Variants in GRHL2 observed in about 807,000 individuals in gnomAD.
GRHL2 encodes grainyhead-like protein 2 homolog.
Under a neutral mutation model 83.8 loss-of-function variants are expected in GRHL2, and 21 were observed. That is an observed-to-expected ratio of 0.25 (90% CI 0.18 to 0.36). The LOEUF (loss-of-function observed/expected upper bound fraction) is 0.36, where lower values mean the gene tolerates loss of function less well. Ranked by LOEUF, GRHL2 falls within the 10% of genes least tolerant of loss-of-function variation. The probability of loss-of-function intolerance (pLI) is 1.00; values close to 1 mark genes in which losing one functional copy is unlikely to be tolerated. For synonymous variants in GRHL2, 280 were observed against 278.9 expected, an observed-to-expected ratio of 1.00 and a Z score of -0.04; for missense variants, 623 against 781.8, an observed-to-expected ratio of 0.80 and a Z score of 2.42.
intron 7 of GRHL2, among the ~76,000 whole-genome samples, chr8:101,590,681 C>G (rs1220624888): frequency 1.3e-5 from 2 of 152,142 alleles, no homozygotes; most frequent in African/African-American, 4.8e-5. Flanking sequence ...CCACCATGTT[C>G]CTTCTCTTTA....
chr8:101,580,431 T>C (rs932877530), intron 7 of GRHL2, among the ~76,000 whole-genome samples: 1 of 152,200 alleles, frequency 6.6e-6, no homozygotes, highest in African/African-American at 2.4e-5. Context: ...TTTGTACCCA[T>C]TAACCAACCT....
At chr8:101,552,100 G>A (rs905109324) in intron 2 of GRHL2, among the ~76,000 whole-genome samples, 4 of 152,104 alleles carry the variant, frequency 2.6e-5, no homozygotes, top group Non-Finnish European at 5.9e-5. Context: ...CTCCCAAAGG[G>A]CATTAGGAGT....
intron 1 of GRHL2, among the ~76,000 whole-genome samples, chr8:101,536,514 C>G (rs1162526934): frequency 6.6e-6 from 1 of 152,206 alleles, no homozygotes; most frequent in Admixed American, 6.5e-5. Context: ...CATTGGGATA[C>G]TTCTCCATTT....
intron 4 of GRHL2, among the ~76,000 whole-genome samples, chr8:101,566,747 G>A (rs1053510851): frequency 5.3e-5 from 8 of 151,754 alleles, no homozygotes; most frequent in Admixed American, 1.3e-4. Context: ...GGAACATTAA[G>A]GTTGACTGCC....
At position 101,500,811 on chromosome 8, in the gene GRHL2, G is replaced by A. The variant is rs143399885; in HGVS notation, c.20+8022G>A. ...CAGGCATGAACCACCACGCCCGACC[G>A]AAAGTGTGTTTTATGCTGTAAGTTT... On this transcript the variant is annotated intron_variant, in intron 1 of 15. Transcript: ENST00000646743. 9.5e-3 allele frequency among the ~76,000 whole-genome samples: 1,437 copies of A among 151,576 alleles called. 10 individuals carry two copies. Among genetic ancestry groups the A allele is most frequent in the Middle Eastern group, 0.017 (5 of 294 alleles).
intron 3 of GRHL2, among the ~76,000 whole-genome samples, chr8:101,556,967 T>C (rs1563578654): frequency 6.6e-6 from 1 of 152,082 alleles, no homozygotes. Context: ...AATAGTGTAA[T>C]AAACCCCCCA....
intron 7 of GRHL2, among the ~76,000 whole-genome samples, chr8:101,586,016 C>G (rs887143519): frequency 2.6e-5 from 4 of 151,144 alleles, no homozygotes; most frequent in East Asian, 2.0e-4. Flanking sequence ...CCTGCAGACT[C>G]TCTTTCAAGC....
intron 2 of GRHL2, among the ~76,000 whole-genome samples, chr8:101,544,476 T>C (rs1183404509): frequency 6.6e-6 from 1 of 152,168 alleles, no homozygotes; most frequent in Non-Finnish European, 1.5e-5. Context: ...ACAAAAACAA[T>C]GATTTTTCTC....
At chr8:101,609,844 G>A (rs1563606237) in intron 8 of GRHL2, among the ~76,000 whole-genome samples, 1 of 151,046 alleles carries the variant, frequency 6.6e-6, no homozygotes, top group South Asian at 2.1e-4. Context: ...CATTTTCACA[G>A]TTTACCCTTC....
At chr8:101,644,101 T>A in intron 12 of GRHL2, 30 bp from the exon 13 acceptor site, 1 of 1,593,814 alleles carries the variant, frequency 6.3e-7, no homozygotes, top group South Asian at 1.1e-5. Flanking sequence ...TTGCTGGTTT[T>A]ACTTAAGGAT....
At chr8:101,518,453 G>A (rs917782750) in intron 1 of GRHL2, among the ~76,000 whole-genome samples, 1 of 152,086 alleles carries the variant, frequency 6.6e-6, no homozygotes, top group East Asian at 1.9e-4. Flanking sequence ...TATAGGGATG[G>A]GCAGCCATTT....
chr8:101,656,556 C>T (rs980944292), intron 14 of GRHL2, among the ~76,000 whole-genome samples: 1 of 152,200 alleles, frequency 6.6e-6, no homozygotes, highest in African/African-American at 2.4e-5. Flanking sequence ...CAGCTCACCA[C>T]ATCTAAAGAG....
At chr8:101,504,212 G>A (rs1033772369) in intron 1 of GRHL2, among the ~76,000 whole-genome samples, 7 of 152,106 alleles carry the variant, frequency 4.6e-5, no homozygotes, top group African/African-American at 9.7e-5. Flanking sequence ...TGCCCTTCAC[G>A]CTGGCATGCT....
chr8:101,672,666 AG>A (rs1310604002), downstream of GRHL2, among the ~76,000 whole-genome samples: 2 of 151,962 alleles, frequency 1.3e-5, no homozygotes, highest in Non-Finnish European at 2.9e-5. Flanking sequence ...CAATCTAGCA[AG>A]GCAGGCCAAC....
rs138853073 is a variant in GRHL2, at chr8:101,548,818, C to G, written c.217-3897C>G. Among the ~76,000 whole-genome samples the G allele has an allele frequency of 7.7e-3, 1,170 of 152,312 alleles. 9 individuals carry two copies. The highest frequency in any genetic ancestry group is 0.025 in the African/African-American group (1,052 of 41,568). ...ATTGTGCCTAGCACCTTAAACCGAG[C>G]ACAGCTGTCAGCACAGAGCTCACAT... is the stretch of plus-strand genomic sequence containing the variant. On this transcript the variant is annotated intron_variant, in intron 2 of 15. Transcript: ENST00000646743.
intron 7 of GRHL2, among the ~76,000 whole-genome samples, chr8:101,586,928 T>C (rs1235837650): frequency 6.6e-6 from 1 of 152,214 alleles, no homozygotes; most frequent in Non-Finnish European, 1.5e-5. Flanking sequence ...TTAAATATAT[T>C]TTATTGTACT....
At chr8:101,593,878 C>T (rs967189975) in intron 7 of GRHL2, among the ~76,000 whole-genome samples, 1 of 151,512 alleles carries the variant, frequency 6.6e-6, no homozygotes, top group Non-Finnish European at 1.5e-5. Flanking sequence ...CCAGCCTGGC[C>T]AACATGGTGA....
At chr8:101,561,806 A>G (rs945902994) in intron 4 of GRHL2, among the ~76,000 whole-genome samples, 1 of 152,242 alleles carries the variant, frequency 6.6e-6, no homozygotes, top group Non-Finnish European at 1.5e-5. Flanking sequence ...AAGTACATCT[A>G]TCAGTAAAGA....
chr8:101,607,855 A>G (rs528678478), intron 8 of GRHL2, among the ~76,000 whole-genome samples: 4 of 152,254 alleles, frequency 2.6e-5, no homozygotes, highest in Non-Finnish European at 5.9e-5. Flanking sequence ...AGGAAAAGCT[A>G]TAAAGCTGGA....
Sources: allele counts gnomAD v4.1 joint callset (sites outside exome capture counted in the v4.1 genomes callset), GRCh38; gene constraint gnomAD v4.1.1; transcripts MANE v1.5; gene names NCBI Gene and HGNC (gene_info 2026-07-23, HGNC 2026-07-21).